RAD51B: variants seen among roughly 807,000 people sequenced by gnomAD.
RAD51B encodes RAD51 paralog B.
In RAD51B, 38 loss-of-function variants were observed where a neutral mutation model predicts 42.2. The observed-to-expected ratio is 0.90, with a 90% CI of 0.70 to 1.18. The LOEUF (loss-of-function observed/expected upper bound fraction) is 1.18, where lower values mean the gene tolerates loss of function less well. Ranked by LOEUF, RAD51B falls within the 50% of genes most tolerant of loss-of-function variation. The pLI, the probability that RAD51B is intolerant of heterozygous loss-of-function variation, is 0.00. For missense variants in RAD51B, 373 were observed against 400.7 expected (o/e 0.93, Z 0.59); for synonymous variants, 154 against 145.2 (o/e 1.06, Z -0.43).
At chr14:68,415,343 A>C (rs943807454) in intron 9 of RAD51B, among the ~76,000 whole-genome samples, 3 of 152,198 alleles carry the variant, frequency 2.0e-5, no homozygotes, top group Non-Finnish European at 4.4e-5. Flanking sequence ...GCATCGTCAG[A>C]GGGCACAGGC....
At chr14:68,394,331 A>G (rs560644252) in intron 8 of RAD51B, among the ~76,000 whole-genome samples, 318 of 152,278 alleles carry the variant, frequency 2.1e-3, no homozygotes, top group Non-Finnish European at 3.8e-3. Context: ...AGGTTCCTGT[A>G]TTAGTGCTGC....
At chr14:68,442,110 C>CA (rs1235502195) in intron 9 of RAD51B, among the ~76,000 whole-genome samples, 2 of 152,152 alleles carry the variant, frequency 1.3e-5, no homozygotes, top group Admixed American at 1.3e-4. Context: ...CTTAAAGATA[C>CA]AAAGTCTGAG....
At chr14:68,414,391 C>T (rs2084496055) in intron 9 of RAD51B, among the ~76,000 whole-genome samples, 1 of 152,122 alleles carries the variant, frequency 6.6e-6, no homozygotes, top group Admixed American at 6.5e-5. Context: ...CCTGCCCCAC[C>T]CTTTTTGCAA....
At chr14:68,289,348 T>C (rs2081473411) in intron 7 of RAD51B, among the ~76,000 whole-genome samples, 1 of 152,164 alleles carries the variant, frequency 6.6e-6, no homozygotes, top group Non-Finnish European at 1.5e-5. Flanking sequence ...CAAATGAAGC[T>C]CAAAGGTACA....
At chr14:68,497,534 G>A (rs1209336840) in intron 10 of RAD51B, 2 of 1,053,322 alleles carry the variant, frequency 1.9e-6, no homozygotes, top group South Asian at 4.6e-5. Context: ...TTTGATGGAG[G>A]TGAAATTTAT....
At chr14:68,412,682 C>T (rs1197610773) in intron 9 of RAD51B, among the ~76,000 whole-genome samples, 2 of 152,116 alleles carry the variant, frequency 1.3e-5, no homozygotes, top group Non-Finnish European at 2.9e-5. Flanking sequence ...TTCAGGGAAA[C>T]ATTCTTGAGT....
At chr14:68,328,305 C>G (rs1233281322) in intron 8 of RAD51B, among the ~76,000 whole-genome samples, 1 of 152,142 alleles carries the variant, frequency 6.6e-6, no homozygotes, top group Non-Finnish European at 1.5e-5. Context: ...AACCCTTTCT[C>G]CACCCCTCCT....
chr14:68,481,086 C>T (rs938477853), downstream of RAD51B, among the ~76,000 whole-genome samples: 1 of 152,194 alleles, frequency 6.6e-6, no homozygotes, highest in Non-Finnish European at 1.5e-5. Context: ...TTAGTAGGTA[C>T]TTTCAGTTTA....
chr14:67,911,869 C>T (rs1448009063), intron 7 of RAD51B, among the ~76,000 whole-genome samples: 1 of 152,072 alleles, frequency 6.6e-6, no homozygotes, highest in African/African-American at 2.4e-5. Context: ...ACCTGTGTTC[C>T]AGAACCATTA....
At chr14:68,564,745 C>G (rs1889337874) in intron 10 of RAD51B, among the ~76,000 whole-genome samples, 1 of 152,214 alleles carries the variant, frequency 6.6e-6, no homozygotes, top group Admixed American at 6.5e-5. Context: ...TCGGGTTGAG[C>G]TGAAATGGAA....
chr14:67,886,961 C>G, intron 6 of RAD51B, 60 bp from the exon 7 acceptor site: 1 of 1,124,716 alleles, frequency 8.9e-7, no homozygotes, highest in Non-Finnish European at 1.2e-6. Flanking sequence ...CTTTGCAATA[C>G]CTTTATTTAT....
intron 8 of RAD51B, among the ~76,000 whole-genome samples, chr14:68,383,532 C>T (rs1421699758): frequency 6.6e-6 from 1 of 152,182 alleles, no homozygotes; most frequent in African/African-American, 2.4e-5. Context: ...ACCAGTTTCA[C>T]TCCTTCAGGA....
At chr14:68,195,514 A>G (rs1453854972) in intron 7 of RAD51B, among the ~76,000 whole-genome samples, 1 of 152,232 alleles carries the variant, frequency 6.6e-6, no homozygotes, top group Non-Finnish European at 1.5e-5. Context: ...CTCCCAGTAC[A>G]CATACTTGTG....
chr14:68,598,828 T>C (rs777948256), downstream of RAD51B, among the ~76,000 whole-genome samples: 1 of 152,102 alleles, frequency 6.6e-6, no homozygotes, highest in African/African-American at 2.4e-5. Flanking sequence ...AAATGGAGTA[T>C]TATTATTATT....
At chr14:68,318,083 T>A (rs2082093703) in intron 8 of RAD51B, among the ~76,000 whole-genome samples, 1 of 152,230 alleles carries the variant, frequency 6.6e-6, no homozygotes, top group Non-Finnish European at 1.5e-5. Flanking sequence ...GGTTTCTTCT[T>A]TCTGAATTCA....
chr14:68,099,327 G>C (rs1566644352), intron 7 of RAD51B, among the ~76,000 whole-genome samples: 1 of 152,186 alleles, frequency 6.6e-6, no homozygotes, highest in African/African-American at 2.4e-5. Flanking sequence ...GTTTGACCTA[G>C]GTTATAGATG....
chr14:68,229,128 A>G (rs553351308), intron 7 of RAD51B, among the ~76,000 whole-genome samples: 66 of 152,234 alleles, frequency 4.3e-4, no homozygotes, highest in Non-Finnish European at 8.1e-4. Flanking sequence ...CTAGCTTCAT[A>G]TCTATGAAAA....
At chr14:68,544,833 T>G (rs1044838890) in intron 10 of RAD51B, among the ~76,000 whole-genome samples, 1 of 152,192 alleles carries the variant, frequency 6.6e-6, no homozygotes, top group African/African-American at 2.4e-5. Context: ...ATTGAAGTTT[T>G]TTCATGGTTG....
intron 7 of RAD51B, among the ~76,000 whole-genome samples, chr14:68,096,364 G>T (rs952973127): frequency 6.6e-6 from 1 of 152,178 alleles, no homozygotes; most frequent in Admixed American, 6.5e-5. Flanking sequence ...TTGTGTGAAT[G>T]ACTTATTCTC....
Sources: gnomAD v4.1 joint callset for allele counts (sites outside exome capture counted in the v4.1 genomes callset) on GRCh38, gnomAD v4.1.1 for gene constraint, MANE v1.5 for transcripts, NCBI Gene and HGNC (gene_info 2026-07-23, HGNC 2026-07-21) for gene names.